Variants in HNF4G observed in about 807,000 individuals in gnomAD.
HNF4G encodes the protein hepatocyte nuclear factor 4 gamma.
HNF4G carries 21 observed loss-of-function variants against 50.9 expected under a neutral mutation model. The ratio of observed to expected loss-of-function variants is 0.41; its 90% CI spans 0.29 to 0.59. The LOEUF (loss-of-function observed/expected upper bound fraction) is 0.59. Ranked by LOEUF, HNF4G falls within the 20% of genes least tolerant of loss-of-function variation. HNF4G has a pLI of 0.26. For missense variants in HNF4G, 527 were observed against 559.4 expected (o/e 0.94, Z 0.58); for synonymous variants, 198 against 185.6 (o/e 1.07, Z -0.54).
At chr8:75,488,509 C>G (rs1052308447) in intron 1 of HNF4G, among the ~76,000 whole-genome samples, 23 of 152,018 alleles carry the variant, frequency 1.5e-4, no homozygotes, top group Non-Finnish European at 8.8e-5. Context: ...AACTTCTGAC[C>G]TCAAGTGATC....
At chr8:75,409,396 C>T (rs564738093) in intron 1 of HNF4G, among the ~76,000 whole-genome samples, 40 of 150,206 alleles carry the variant, frequency 2.7e-4, no homozygotes, top group African/African-American at 8.6e-4. Flanking sequence ...TATGGGATAG[C>T]GCAAATTTAT....
At chr8:75,497,592 G>C (rs1219343387) in intron 2 of HNF4G, among the ~76,000 whole-genome samples, 1 of 151,826 alleles carries the variant, frequency 6.6e-6, no homozygotes, top group Non-Finnish European at 1.5e-5. Flanking sequence ...GCTGAGGCAG[G>C]AGAATTGCTT....
chr8:75,475,032 G>A (rs568238957), intron 1 of HNF4G, among the ~76,000 whole-genome samples: 5 of 140,954 alleles, frequency 3.5e-5, no homozygotes, highest in South Asian at 2.3e-4. Context: ...TTTTTGAGAC[G>A]GAGTCTTGCT....
At chr8:75,484,449 T>C (rs913240570) in intron 1 of HNF4G, among the ~76,000 whole-genome samples, 5 of 152,184 alleles carry the variant, frequency 3.3e-5, no homozygotes, top group African/African-American at 1.2e-4. Context: ...CTTCTGCCCA[T>C]CTCAAGGGCC....
At chr8:75,551,753 AG>A in intron 4 of HNF4G, among the ~76,000 whole-genome samples, 1 of 152,336 alleles carries the variant, frequency 6.6e-6, no homozygotes, top group Non-Finnish European at 1.5e-5. Context: ...TTTGCTTATA[AG>A]TTTGATTAAA....
intron 2 of HNF4G, among the ~76,000 whole-genome samples, chr8:75,547,014 A>G (rs113190520): frequency 0.023 from 3,446 of 152,222 alleles, 66 homozygotes; most frequent in Middle Eastern, 0.048. Context: ...CAATTTTTCC[A>G]CATCCTCACC....
chr8:75,559,539 T>C (rs766791579), intron 8 of HNF4G, among the ~76,000 whole-genome samples: 3 of 152,092 alleles, frequency 2.0e-5, no homozygotes, highest in Non-Finnish European at 4.4e-5. Flanking sequence ...CCCAAAGTGC[T>C]GGGAATACAG....
intron 1 of HNF4G, among the ~76,000 whole-genome samples, chr8:75,438,762 G>C (rs190051736): frequency 2.0e-5 from 3 of 151,774 alleles, no homozygotes; most frequent in Admixed American, 2.0e-4. Context: ...TCACACTCTC[G>C]TTATCTCTTC....
intron 1 of HNF4G, among the ~76,000 whole-genome samples, chr8:75,465,855 G>A (rs1029903733): frequency 6.6e-6 from 1 of 152,022 alleles, no homozygotes; most frequent in African/African-American, 2.4e-5. Context: ...TACTTATTCT[G>A]CTTCTAAACC....
chr8:75,437,032 G>C (rs981387662), intron 1 of HNF4G, among the ~76,000 whole-genome samples: 1 of 152,136 alleles, frequency 6.6e-6, no homozygotes, highest in African/African-American at 2.4e-5. Context: ...CTGAGCATCA[G>C]AAAAACAGTT....
intron 1 of HNF4G, among the ~76,000 whole-genome samples, chr8:75,441,587 G>A (rs1469161133): frequency 1.3e-5 from 2 of 152,108 alleles, no homozygotes; most frequent in Non-Finnish European, 1.5e-5. Flanking sequence ...ATTATTAACT[G>A]TAGGCATAAT....
At chr8:75,465,450 G>T (rs1230587795) in intron 1 of HNF4G, among the ~76,000 whole-genome samples, 1 of 152,156 alleles carries the variant, frequency 6.6e-6, no homozygotes, top group South Asian at 2.1e-4. Flanking sequence ...TATTTTATCT[G>T]CTTTTATGCA....
chr8:75,507,097 A>G (rs1405558696), intron 2 of HNF4G, among the ~76,000 whole-genome samples: 1 of 152,166 alleles, frequency 6.6e-6, no homozygotes, highest in African/African-American at 2.4e-5. Flanking sequence ...TGTTTGTAAA[A>G]TACACATTTT....
At chr8:75,418,722 CTTTTTT>C (rs560295179) in intron 1 of HNF4G, among the ~76,000 whole-genome samples, 4 of 109,394 alleles carry the variant, frequency 3.7e-5, no homozygotes, top group East Asian at 4.7e-4. Context: ...CTCTCTCTCT[CTTTTTT>C]TTTTTTTTTT....
chr8:75,449,585 C>A (rs1277121724), intron 1 of HNF4G, among the ~76,000 whole-genome samples: 8 of 146,872 alleles, frequency 5.4e-5, no homozygotes, highest in Admixed American at 3.4e-4. Flanking sequence ...CGGCTCACTG[C>A]AAGCTCCGCC....
chr8:75,561,279 GGCTGCATATTTAGA>G (rs1297652149), intron 9 of HNF4G, among the ~76,000 whole-genome samples: 2 of 152,114 alleles, frequency 1.3e-5, no homozygotes, highest in Non-Finnish European at 2.9e-5. Flanking sequence ...CTGGGTTCTT[GGCTGCATATTTAGA>G]GACTCAAACA....
intron 1 of HNF4G, among the ~76,000 whole-genome samples, chr8:75,418,722 C>CTTTTTTTTTT (rs560295179): frequency 1.8e-5 from 2 of 109,406 alleles, no homozygotes; most frequent in African/African-American, 7.3e-5. Context: ...CTCTCTCTCT[C>CTTTTTTTTTT]TTTTTTTTTT....
chr8:75,442,952 C>T (rs1050997602), intron 1 of HNF4G, among the ~76,000 whole-genome samples: 5 of 152,108 alleles, frequency 3.3e-5, no homozygotes, highest in East Asian at 1.9e-4. Context: ...GTATTGCCTT[C>T]GTGATCTGAA....
At chr8:75,437,264 G>A (rs957259961) in intron 1 of HNF4G, among the ~76,000 whole-genome samples, 2 of 152,296 alleles carry the variant, frequency 1.3e-5, no homozygotes, top group South Asian at 2.1e-4. Context: ...ATATTCGCAC[G>A]TATCTATAAT....
Sources: gnomAD v4.1 joint callset for allele counts (sites outside exome capture counted in the v4.1 genomes callset) on GRCh38, gnomAD v4.1.1 for gene constraint, MANE v1.5 for transcripts, NCBI Gene and HGNC (gene_info 2026-07-23, HGNC 2026-07-21) for gene names.